The following GLRA3 variants were observed in gnomAD, a reference collection of about 807,000 sequenced individuals.
GLRA3 encodes the protein glycine receptor subunit alpha-3.
A neutral mutation model predicts 60.4 loss-of-function variants in GLRA3; 44 were observed. The observed-to-expected ratio is 0.73, with a 90% CI of 0.57 to 0.94. The LOEUF (loss-of-function observed/expected upper bound fraction) is 0.94, where lower values mean the gene tolerates loss of function less well. Ranked by LOEUF, GLRA3 falls within the 40% of genes least tolerant of loss-of-function variation. The probability of loss-of-function intolerance (pLI) is 0.00; values close to 1 mark genes in which losing one functional copy is unlikely to be tolerated. For missense variants in GLRA3, 508 were observed against 564.6 expected (o/e 0.90, Z 1.02); for synonymous variants, 223 against 192.9 (o/e 1.16, Z -1.29).
rs1395467450 is a variant in GLRA3, at chr4:174,642,295, C to A, written c.*1491G>T. 2 of 956,348 alleles carry A rather than the reference C, an allele frequency of 2.1e-6. No homozygotes were observed. Among genetic ancestry groups the A allele is most frequent in the East Asian group, 1.2e-4 (1 of 8,642 alleles). 59.2% of individuals were successfully genotyped at this position (956,348 alleles called of 1,614,324 possible). On this transcript the variant is annotated 3_prime_UTR_variant, in exon 10 of 10. Coordinates refer to ENST00000274093, the MANE Select transcript of GLRA3 (RefSeq NM_006529.4). ...TAGAAAATAGCATCTTGTTAAAGAA[C>A]TGGCTTTTCTATTGTACATCTGAGT...
In GLRA3 at chr4:174,639,566, TG is replaced by T. The variant is rs1331860452; in HGVS notation, c.*4219del. The T allele has an allele frequency of 6.6e-6, 1 of 152,134 alleles. No individual in the cohort carries two copies. The highest frequency in any genetic ancestry group is 1.5e-5 in the Non-Finnish European group (1 of 68,016). The allele number at this position is 152,134 out of a possible 1,614,324, so 9.4% of individuals were successfully genotyped here. ...GAAGCTTCCCCAGGATATTTTTCCC[TG>T]CCCTAGTTCCGTTTAAATTGTAGAG... On this transcript the variant is annotated 3_prime_UTR_variant, in exon 10 of 10. Coordinates refer to ENST00000274093, the MANE Select transcript of GLRA3 (RefSeq NM_006529.4).
intron 5 of GLRA3, among the ~76,000 whole-genome samples, chr4:174,691,260 T>C (rs1734782749): frequency 1.3e-5 from 2 of 152,196 alleles, no homozygotes; most frequent in South Asian, 2.1e-4. Flanking sequence ...TGGTATCTCA[T>C]TGTGGTTTTG....
chr4:174,715,826 G>A (rs1735897702), intron 4 of GLRA3, among the ~76,000 whole-genome samples: 1 of 152,004 alleles, frequency 6.6e-6, no homozygotes, highest in South Asian at 2.1e-4. Flanking sequence ...AAAAGTGCTG[G>A]CAAAACAGCA....
At chr4:174,722,223 C>A (rs1032039597) in intron 4 of GLRA3, among the ~76,000 whole-genome samples, 5 of 152,068 alleles carry the variant, frequency 3.3e-5, no homozygotes, top group African/African-American at 1.2e-4. Context: ...CCTGAAACCC[C>A]TATGCCTAAA....
chr4:174,718,066 A>G (rs1054414767), intron 4 of GLRA3, among the ~76,000 whole-genome samples: 2 of 152,232 alleles, frequency 1.3e-5, no homozygotes, highest in African/African-American at 4.8e-5. Context: ...GAAAGGAATT[A>G]TTTGGCAAAG....
At chr4:174,678,541 T>C (rs909030528) in intron 6 of GLRA3, among the ~76,000 whole-genome samples, 12 of 152,180 alleles carry the variant, frequency 7.9e-5, no homozygotes, top group Non-Finnish European at 5.9e-5. Context: ...TTCATGTGAC[T>C]TGGGCCGTGC....
intron 1 of GLRA3, among the ~76,000 whole-genome samples, chr4:174,810,501 A>C (rs1467430571): frequency 6.6e-6 from 1 of 151,896 alleles, no homozygotes; most frequent in Non-Finnish European, 1.5e-5. Context: ...AATATATAAA[A>C]TATAATCTGG....
intron 3 of GLRA3, among the ~76,000 whole-genome samples, chr4:174,734,904 A>T (rs1277101088): frequency 2.6e-5 from 4 of 152,216 alleles, no homozygotes; most frequent in Non-Finnish European, 5.9e-5. Context: ...CAATTAATAT[A>T]GCTCATTCAG....
chr4:174,682,258 T>A (rs573026364), intron 6 of GLRA3, among the ~76,000 whole-genome samples: 1 of 152,182 alleles, frequency 6.6e-6, no homozygotes, highest in East Asian at 1.9e-4. Flanking sequence ...AATTTGCCGA[T>A]GTACAAATAT....
intron 1 of GLRA3, among the ~76,000 whole-genome samples, chr4:174,803,929 T>C (rs1739923096): frequency 6.6e-6 from 1 of 152,202 alleles, no homozygotes; most frequent in African/African-American, 2.4e-5. Context: ...TGCAAACTTG[T>C]AGTTGTAGGG....
At position 174,715,570 on chromosome 4, in the gene GLRA3, T is replaced by C; in HGVS notation, c.492A>G (p.Arg164=). 7.1e-7 allele frequency: 1 copy of C among 1,405,588 alleles called. No individual in the cohort carries two copies. The highest frequency in any genetic ancestry group is 1.2e-5 in the South Asian group (1 of 82,470). The allele number at this position is 1,405,588 out of a possible 1,614,324, so 87.1% of individuals were successfully genotyped here. A position where few individuals can be genotyped will look rare whatever the true frequency, so the allele number is the denominator to read the frequency against. Residue 164 remains arginine, a splice_region_variant and synonymous_variant, in exon 5 of 10, where the codon AGA becomes AGG. Transcript: ENST00000274093. ...TTGGACAGGAAAGTGTTAATGTTAA[T>C]CTGAAAGTCAAAGTAATTATTTTTA... is the stretch of plus-strand genomic sequence containing the variant. ...FKNGNVLYSI[R]LTLTLSCPMD... is the part of the protein sequence containing the mutation.
intron 2 of GLRA3, among the ~76,000 whole-genome samples, chr4:174,782,006 C>G (rs1476852478): frequency 3.3e-5 from 5 of 149,716 alleles, no homozygotes; most frequent in Non-Finnish European, 7.4e-5. Flanking sequence ...CGGGCAGAGA[C>G]ACAACCAAAA....
chr4:174,716,873 G>A (rs777049892), intron 4 of GLRA3, among the ~76,000 whole-genome samples: 2 of 152,090 alleles, frequency 1.3e-5, no homozygotes, highest in Admixed American at 6.5e-5. Context: ...ATTCTATAGT[G>A]TGGGCACAAA....
chr4:174,799,665 A>G (rs114678774), intron 1 of GLRA3, among the ~76,000 whole-genome samples: 68 of 152,344 alleles, frequency 4.5e-4, no homozygotes, highest in African/African-American at 1.5e-3. Context: ...GAAGATAAGT[A>G]TTACTTGAAA....
In GLRA3 at chr4:174,720,017, T is replaced by G. The variant is rs565525258; in HGVS notation, c.492-4447A>C. 3.3e-5 allele frequency among the ~76,000 whole-genome samples: 5 copies of G among 152,322 alleles called. No individual in the cohort carries two copies. The South Asian group carries it at 1.0e-3, about 32-fold the overall frequency. On this transcript the variant is annotated intron_variant, in intron 4 of 9. Coordinates refer to ENST00000274093, the MANE Select transcript of GLRA3 (RefSeq NM_006529.4). Reference sequence around the variant, plus strand: ...ATTTCACAGAGTGATTATATTTAGCTTAAATAAAAATTAAAATTATATCAT... The same window carrying G: ...ATTTCACAGAGTGATTATATTTAGCGTAAATAAAAATTAAAATTATATCAT...
At chr4:174,825,796 TTATTTACTAAAGTA>T (rs1408555134) in intron 1 of GLRA3, among the ~76,000 whole-genome samples, 2 of 152,118 alleles carry the variant, frequency 1.3e-5, no homozygotes, top group Admixed American at 6.5e-5. Flanking sequence ...TTAATAATGC[TTATTTACTAAAGTA>T]TAGATGATAC....
chr4:174,650,627 TG>T (rs1312438436), intron 9 of GLRA3, among the ~76,000 whole-genome samples: 1 of 152,166 alleles, frequency 6.6e-6, no homozygotes, highest in African/African-American at 2.4e-5. Context: ...TACCCCATCA[TG>T]GGTGATGTCA....
rs189735312 is a variant in GLRA3 at position 174,775,434 on chromosome 4, G to C, written c.200-8404C>G. On this transcript the variant is annotated intron_variant, in intron 2 of 9. Coordinates refer to ENST00000274093, the MANE Select transcript of GLRA3 (RefSeq NM_006529.4). The stretch of plus-strand genomic sequence containing the variant: ...AGAAAAGGATTAGTGAAATATTTAA[G>C]GGTAAAAGACAGAAACCACAAATAC... Among the ~76,000 whole-genome samples, 210 of 152,180 alleles carry C rather than the reference G, an allele frequency of 1.4e-3. 1 individual carries two copies. The highest frequency in any genetic ancestry group is 4.9e-3 in the African/African-American group (203 of 41,516).
chr4:174,737,840 CATT>C (rs1403690096), intron 3 of GLRA3, among the ~76,000 whole-genome samples: 1 of 152,102 alleles, frequency 6.6e-6, no homozygotes, highest in Non-Finnish European at 1.5e-5. Flanking sequence ...CACAGTTTTA[CATT>C]TTAACTGATA....
Sources: allele counts gnomAD v4.1 joint callset (sites outside exome capture counted in the v4.1 genomes callset), GRCh38; gene constraint gnomAD v4.1.1; transcripts MANE v1.5; gene names NCBI Gene and HGNC (gene_info 2026-07-23, HGNC 2026-07-21).